Variants in TMEM143 observed in about 807,000 individuals in gnomAD.
The protein encoded by TMEM143 is transmembrane protein 143.
TMEM143 carries 45 observed loss-of-function variants against 40.3 expected under a neutral mutation model. The ratio of observed to expected loss-of-function variants is 1.12; its 90% confidence interval spans 0.88 to 1.43. The LOEUF (loss-of-function observed/expected upper bound fraction) is 1.43. Among genes scored for constraint, TMEM143 ranks in the 40% most tolerant of loss-of-function variants. TMEM143 has a pLI of 0.00. For missense variants in TMEM143, 620 were observed against 613.4 expected, an observed-to-expected ratio of 1.01 and a Z score of -0.11; for synonymous variants, 299 against 282.7, an observed-to-expected ratio of 1.06 and a Z score of -0.58.
chr19:48,349,382 C>T (rs772137160), intron 3 of TMEM143, among the ~76,000 whole-genome samples: 11 of 152,194 alleles, frequency 7.2e-5, no homozygotes, highest in African/African-American at 1.2e-4. Context: ...GTGGCTCACG[C>T]CTGTAATCCC....
chr19:48,358,854 T>TC (rs1210524778), intron 3 of TMEM143, among the ~76,000 whole-genome samples: 2 of 152,138 alleles, frequency 1.3e-5, no homozygotes, highest in African/African-American at 4.8e-5. Context: ...CTCCCATGGC[T>TC]CCCGGCTCAC....
intron 5 of TMEM143, chr19:48,343,051 C>A: frequency 1.5e-6 from 1 of 676,566 alleles, no homozygotes; most frequent in Non-Finnish European, 2.4e-6. Flanking sequence ...CGTGCCGCAT[C>A]TTCAGAATGT....
chr19:48,363,518 C>A lies in TMEM143; in HGVS notation c.37G>T (p.Gly13Cys). The change falls in exon 2 of 8, where the codon GGT becomes TGT. Residue 13 changes from glycine (G) to cysteine (C), a missense_variant. Coordinates refer to ENST00000293261, the MANE Select transcript of TMEM143 (RefSeq NM_018273.4). ...CGGGTCACATGCAGCATGGCTAGACCCTTTCCCCGGAGCCTAAACAGAGGA... is the reference window on the plus strand; with the variant it reads ...CGGGTCACATGCAGCATGGCTAGACACTTTCCCCGGAGCCTAAACAGAGGA... The part of the protein sequence containing the change: ...VELWLRLRGK[G>C]LAMLHVTRGV... The A allele has an allele frequency of 6.2e-7, 1 of 1,610,440 alleles. No homozygotes were observed.
Position 48,363,470 on chromosome 19 carries a change from G to C in TMEM143, c.85C>G (p.Arg29Gly). Residue 29 changes from arginine to glycine, a missense_variant, in exon 2 of 8, where the codon CGA becomes GGA. Transcript: ENST00000293261. ...VTRGVWGSRV[R>G]VWPLLPALLG... is the part of the protein sequence containing the mutation. ...AGCGCGGGCAACAGTGGCCATACTC[G>C]GACCCTGGACCCCCAGACCCCCCGG... 6.2e-7 allele frequency: 1 copy of C among 1,613,892 alleles called. No individual in the cohort carries two copies. Among genetic ancestry groups the C allele is most frequent in the Non-Finnish European group, 8.5e-7 (1 of 1,179,956 alleles).
At chr19:48,353,366 T>C (rs925638292) in intron 3 of TMEM143, among the ~76,000 whole-genome samples, 2 of 151,360 alleles carry the variant, frequency 1.3e-5, no homozygotes, top group African/African-American at 4.9e-5. Flanking sequence ...TGTATTTTAG[T>C]AGAGACGGGT....
chr19:48,358,426 A>C (rs1024868921), intron 3 of TMEM143, among the ~76,000 whole-genome samples: 1 of 152,026 alleles, frequency 6.6e-6, no homozygotes, highest in Non-Finnish European at 1.5e-5. Flanking sequence ...ATTCATAAAT[A>C]AATGGTAGCT....
chr19:48,340,980 C>T (rs1969473994), intron 6 of TMEM143, among the ~76,000 whole-genome samples: 1 of 152,186 alleles, frequency 6.6e-6, no homozygotes, highest in African/African-American at 2.4e-5. Context: ...ATTGCTCCCT[C>T]CCCAGCCCCT....
chr19:48,363,383 A>G lies in TMEM143; in HGVS notation c.172T>C (p.Trp58Arg), dbSNP rs772067685. The G allele has an allele frequency of 6.2e-7, 1 of 1,614,194 alleles. No individual in the cohort carries two copies. The highest frequency in any genetic ancestry group is 1.1e-5 in the South Asian group (1 of 91,090). The change falls in exon 2 of 8, where the codon TGG becomes CGG. Residue 58 changes from tryptophan to arginine, a missense_variant. Coordinates refer to ENST00000293261, the MANE Select transcript of TMEM143 (RefSeq NM_018273.4). ...AAKMGEYRKM[W>R]NPREPRDWAQ... ...CAGTCGCGGGGCTCCCTGGGGTTCCACATCTTGCGATACTCCCCCATTTTG... is the reference window on the plus strand; with the variant it reads ...CAGTCGCGGGGCTCCCTGGGGTTCCGCATCTTGCGATACTCCCCCATTTTG...
intron 3 of TMEM143, among the ~76,000 whole-genome samples, chr19:48,355,103 A>G (rs1404138909): frequency 6.6e-6 from 1 of 150,398 alleles, no homozygotes; most frequent in Non-Finnish European, 1.5e-5. Context: ...TGCAACCTCC[A>G]CCTCCCGGGT....
At chr19:48,337,996 G>A (rs185088174) in intron 6 of TMEM143, among the ~76,000 whole-genome samples, 6 of 151,384 alleles carry the variant, frequency 4.0e-5, no homozygotes, top group East Asian at 3.9e-4. Flanking sequence ...GAGTCTCCCT[G>A]GAGAGGGGTC....
In TMEM143 at chr19:48,360,167, A is replaced by T. The variant is rs147211405; in HGVS notation, c.274T>A (p.Ser92Thr). ...LLRLLIQEFH[S>T]SPAEKAALEA... ...AAAGCCGCCTTCTCTGCCGGACTCG[A>T]GTGGAATTCCTGTTACCTCAGGAAG... is the stretch of plus-strand genomic sequence containing the variant. The change falls in exon 3 of 8, where the codon TCG becomes ACG. Residue 92 changes from serine (S) to threonine (T), a missense_variant. By Grantham distance (58) the Ser-to-Thr change is moderately conservative. Transcript: ENST00000293261. The T allele has an allele frequency of 1.6e-3, 2,527 of 1,613,970 alleles. 11 individuals carry two copies. The highest frequency in any genetic ancestry group is 1.1e-3 in the Non-Finnish European group (1,347 of 1,179,914).
rs538873007 is a variant in TMEM143 at position 48,332,692 on chromosome 19, G to T, written c.*527C>A. 1 of 152,608 alleles carries T rather than the reference G, an allele frequency of 6.6e-6. No homozygotes were observed. The highest frequency in any genetic ancestry group is 1.9e-4 in the East Asian group (1 of 5,196). 9.5% of individuals were successfully genotyped at this position (152,608 alleles called of 1,614,324 possible). ...AGGTTTCCTTTAGAAATTCTTATTGGTTCCTTCCCTGCAGCGACAACCGGC... is the reference window on the plus strand; with the variant it reads ...AGGTTTCCTTTAGAAATTCTTATTGTTTCCTTCCCTGCAGCGACAACCGGC... On this transcript the variant is annotated 3_prime_UTR_variant, in exon 8 of 8. Transcript: ENST00000293261.
rs754849029 is a variant in TMEM143 at position 48,342,761 on chromosome 19, G to C, written c.744C>G (p.His248Gln). The C allele has an allele frequency of 2.0e-5, 32 of 1,612,448 alleles. No homozygotes were observed. Among genetic ancestry groups the C allele is most frequent in the Non-Finnish European group, 2.5e-5 (29 of 1,178,760 alleles). Residue 248 changes from histidine (H) to glutamine (Q), a missense_variant, in exon 6 of 8, where the codon CAC (histidine) becomes CAG (glutamine). By Grantham distance (24) the His-to-Gln change is conservative. Coordinates refer to ENST00000293261, the MANE Select transcript of TMEM143 (RefSeq NM_018273.4). ...TGTCCTTGAAACTCTTCAGTACCAG[G>C]TGTCCCCGTTTGGTCCGGGCTGCCA... Reference protein sequence around the residue: ...VVLAARTKRGHLVLKSFKDTP... With the variant: ...VVLAARTKRGQLVLKSFKDTP...
intron 3 of TMEM143, among the ~76,000 whole-genome samples, chr19:48,358,397 A>AT (rs1355333888): frequency 6.6e-6 from 1 of 151,678 alleles, no homozygotes; most frequent in Admixed American, 6.6e-5. Context: ...AAAAAAAAAA[A>AT]ATATATTAGA....
Position 48,363,277 on chromosome 19 carries a change from G to C in TMEM143, c.264+14C>G. On this transcript the variant is annotated intron_variant, in intron 2 of 7. Transcript: ENST00000293261. ...CCGTAGTCCCCAGGCTCTTGGGCCTGGGACAGGCGGTACCTGTATTAGGAG... is the reference window on the plus strand; with the variant it reads ...CCGTAGTCCCCAGGCTCTTGGGCCTCGGACAGGCGGTACCTGTATTAGGAG... 6.2e-7 allele frequency: 1 copy of C among 1,607,414 alleles called. No homozygotes were observed. The highest frequency in any genetic ancestry group is 8.5e-7 in the Non-Finnish European group (1 of 1,176,372).
At chr19:48,335,947 G>T (rs1324760553) in intron 6 of TMEM143, among the ~76,000 whole-genome samples, 2 of 151,958 alleles carry the variant, frequency 1.3e-5, no homozygotes, top group Non-Finnish European at 2.9e-5. Context: ...AAGGATGTTG[G>T]GGGGAAGAAC....
chr19:48,342,486 C>T, intron 6 of TMEM143, 44 bp downstream of exon 6: 1 of 1,551,526 alleles, frequency 6.4e-7, no homozygotes, highest in South Asian at 1.2e-5. Flanking sequence ...TGACCTGGTC[C>T]CCACAGCGCA....
intron 5 of TMEM143, 141 bp downstream of exon 5, chr19:48,343,180 G>T: frequency 1.9e-6 from 2 of 1,076,218 alleles, no homozygotes; most frequent in Non-Finnish European, 1.3e-6. Flanking sequence ...AGAAAAGACA[G>T]CATTTGGATG....
chr19:48,351,129 GC>G (rs1969762214), intron 3 of TMEM143, among the ~76,000 whole-genome samples: 1 of 151,806 alleles, frequency 6.6e-6, no homozygotes, highest in African/African-American at 2.4e-5. Context: ...CCATACAGAT[GC>G]CCCATGGGCC....
Sources: gnomAD v4.1 joint callset for allele counts (sites outside exome capture counted in the v4.1 genomes callset) on GRCh38, gnomAD v4.1.1 for gene constraint, MANE v1.5 for transcripts, NCBI Gene and HGNC (gene_info 2026-07-23, HGNC 2026-07-21) for gene names.